ACTR3C: variants seen among roughly 807,000 people sequenced by gnomAD.
The protein encoded by ACTR3C is actin-related protein 3C.
A neutral mutation model predicts 26.3 loss-of-function variants in ACTR3C; 18 were observed. That is an observed-to-expected ratio of 0.68 (90% CI 0.47 to 1.01). The LOEUF is 1.01. Among genes scored for constraint, ACTR3C ranks in the 50% least tolerant of loss-of-function variants. The pLI, the probability that ACTR3C is intolerant of heterozygous loss-of-function variation, is 0.00. For synonymous variants in ACTR3C, 55 were observed against 94.5 expected (o/e 0.58, Z 2.42); for missense variants, 184 against 250.7 (o/e 0.73, Z 1.80).
chr7:150,198,277 A>G, the ACTR3C span, among the ~76,000 whole-genome samples: 1 of 147,614 alleles, frequency 6.8e-6, no homozygotes, highest in Admixed American at 6.6e-5. Context: ...CCGTCTGGGA[A>G]GTGAGGAGTG....
the ACTR3C span, among the ~76,000 whole-genome samples, chr7:150,113,372 G>A: frequency 1.3e-5 from 2 of 152,306 alleles, no homozygotes; most frequent in African/African-American, 4.8e-5. Flanking sequence ...TCCCTGGTGA[G>A]GGGGAATAAG....
chr7:150,261,197 C>T lies in ACTR3C; in HGVS notation c.565-12143G>A, dbSNP rs185600958. Among the ~76,000 whole-genome samples, 62 of 152,310 alleles carry T rather than the reference C, an allele frequency of 4.1e-4. No homozygotes were observed. The East Asian group carries it at 0.012, about 28-fold the overall frequency. On this transcript the variant is annotated intron_variant, in intron 6 of 7. Transcript: ENST00000683684. ...ATTAAAATACTGAAAGTCATAATTT[C>T]TGCTGGTGAGACCGTCACAGGTATT... is the stretch of plus-strand genomic sequence containing the variant.
At chr7:150,053,794 T>C in the ACTR3C span, among the ~76,000 whole-genome samples, 1 of 152,230 alleles carries the variant, frequency 6.6e-6, no homozygotes, top group East Asian at 1.9e-4. Context: ...AGTGGAAAAC[T>C]TGACTTCACT....
the ACTR3C span, chr7:149,909,736 AGATAATAATACTCTCGT>A: frequency 2.5e-6 from 1 of 392,314 alleles, no homozygotes; most frequent in Non-Finnish European, 4.5e-6. Context: ...ACACATGTTT[AGATAATAATACTCTCGT>A]CTATATTGGA....
the ACTR3C span, among the ~76,000 whole-genome samples, chr7:149,911,051 A>T: frequency 5.9e-5 from 9 of 152,020 alleles, no homozygotes; most frequent in African/African-American, 2.2e-4. Flanking sequence ...GGCCAAGTGG[A>T]CCTACCACAA....
the ACTR3C span, among the ~76,000 whole-genome samples, chr7:149,924,565 C>T: frequency 8.9e-4 from 136 of 152,228 alleles, no homozygotes; most frequent in East Asian, 0.021. Context: ...AATAAAAAAG[C>T]GGTTAAGAGT....
chr7:150,317,766 C>T (rs566017227), intron 1 of ACTR3C, among the ~76,000 whole-genome samples: 1 of 152,178 alleles, frequency 6.6e-6, no homozygotes, highest in Non-Finnish European at 1.5e-5. Flanking sequence ...TCACTACAAT[C>T]TAGTTATTAT....
the ACTR3C span, among the ~76,000 whole-genome samples, chr7:149,914,897 T>C: frequency 1.3e-5 from 2 of 150,430 alleles, no homozygotes; most frequent in Non-Finnish European, 3.0e-5. Context: ...TTTTTTTTTT[T>C]TGGACGGAGT....
At chr7:150,033,020 T>C in the ACTR3C span, among the ~76,000 whole-genome samples, 22 of 152,094 alleles carry the variant, frequency 1.4e-4, no homozygotes, top group Non-Finnish European at 2.4e-4. Flanking sequence ...TCTGGTCAGA[T>C]GGCAGGACGG....
At chr7:149,894,570 A>C in the ACTR3C span, among the ~76,000 whole-genome samples, 1 of 152,212 alleles carries the variant, frequency 6.6e-6, no homozygotes, top group South Asian at 2.1e-4. Context: ...GTGAAAAATG[A>C]GCAAGAGACC....
At chr7:150,192,985 T>A in the ACTR3C span, among the ~76,000 whole-genome samples, 1 of 152,194 alleles carries the variant, frequency 6.6e-6, no homozygotes, top group East Asian at 1.9e-4. Context: ...TACCTTCCGG[T>A]GAAAAGGACA....
At chr7:149,948,890 G>A in the ACTR3C span, among the ~76,000 whole-genome samples, 6 of 151,932 alleles carry the variant, frequency 3.9e-5, no homozygotes, top group Non-Finnish European at 8.8e-5. Context: ...GATCGGGAGT[G>A]GGAGGTAAAG....
chr7:150,043,397 C>T, the ACTR3C span, among the ~76,000 whole-genome samples: 4 of 152,080 alleles, frequency 2.6e-5, no homozygotes, highest in African/African-American at 4.8e-5. Flanking sequence ...TCAACCACCA[C>T]GAAATGGGAG....
the ACTR3C span, chr7:150,047,545 G>A: frequency 1.4e-5 from 7 of 500,042 alleles, no homozygotes; most frequent in Non-Finnish European, 1.8e-5. Context: ...CCCGGCCGAC[G>A]CGTCTCGCTG....
the ACTR3C span, among the ~76,000 whole-genome samples, chr7:150,117,545 T>C: frequency 6.6e-6 from 1 of 152,220 alleles, no homozygotes; most frequent in Non-Finnish European, 1.5e-5. Context: ...TCCTTCTCTC[T>C]GGGCAGGGCA....
the ACTR3C span, among the ~76,000 whole-genome samples, chr7:150,224,219 C>T: frequency 6.6e-6 from 1 of 152,160 alleles, no homozygotes. Context: ...AATGTGAATG[C>T]CAGGTGGATG....
the ACTR3C span, among the ~76,000 whole-genome samples, chr7:150,060,939 AAG>A: frequency 7.8e-6 from 1 of 128,548 alleles, no homozygotes; most frequent in South Asian, 3.2e-4. Flanking sequence ...TCATTTATTG[AAG>A]AGTCAGATAT....
chr7:150,188,810 T>TCC, the ACTR3C span, among the ~76,000 whole-genome samples: 6,613 of 150,962 alleles, frequency 0.044, 341 homozygotes, highest in East Asian at 0.15. Flanking sequence ...CTGAACTCAT[T>TCC]CCCCCCAAAA....
the ACTR3C span, among the ~76,000 whole-genome samples, chr7:150,167,018 GTA>G: frequency 0.1 from 14,838 of 147,190 alleles, 3,347 homozygotes; most frequent in African/African-American, 0.37. Context: ...ATTCCACTGT[GTA>G]TATATATATA....
Sources: gnomAD v4.1 joint callset for allele counts (sites outside exome capture counted in the v4.1 genomes callset) on GRCh38, gnomAD v4.1.1 for gene constraint, MANE v1.5 for transcripts, NCBI Gene and HGNC (gene_info 2026-07-23, HGNC 2026-07-21) for gene names.